AK9: variants seen among roughly 807,000 people sequenced by gnomAD.
AK9 encodes adenylate kinase 9, also known as adenylate kinase domain containing 1.
A neutral mutation model predicts 239.6 loss-of-function variants in AK9; 191 were observed. The ratio of observed to expected loss-of-function variants is 0.80; its 90% confidence interval spans 0.71 to 0.90. The LOEUF (loss-of-function observed/expected upper bound fraction) is 0.90. AK9 is among the 40% of genes least tolerant of loss of function. The pLI is 0.00. For synonymous variants in AK9, 689 were observed against 721.0 expected (o/e 0.96, Z 0.71); for missense variants, 1,995 against 2,214.7 (o/e 0.90, Z 1.99).
At chr6:109,534,840 G>A (rs534248143) in intron 27 of AK9, among the ~76,000 whole-genome samples, 118 of 152,014 alleles carry the variant, frequency 7.8e-4, no homozygotes, top group Non-Finnish European at 1.1e-3. Flanking sequence ...CCACCTATGA[G>A]TGAGAATATG....
At chr6:109,577,896 C>T (rs1304618664) in intron 20 of AK9, among the ~76,000 whole-genome samples, 1 of 82,084 alleles carries the variant, frequency 1.2e-5, no homozygotes, top group African/African-American at 4.9e-5. Flanking sequence ...CCTTCTCTCT[C>T]TCTTTCTCTC....
chr6:109,581,829 C>T (rs927342912), intron 19 of AK9, among the ~76,000 whole-genome samples: 2 of 152,184 alleles, frequency 1.3e-5, no homozygotes, highest in Non-Finnish European at 2.9e-5. Flanking sequence ...CCATCTAGGA[C>T]TTTCAGAGTT....
At chr6:109,635,820 C>G (rs1230836185) in intron 10 of AK9, among the ~76,000 whole-genome samples, 1 of 152,168 alleles carries the variant, frequency 6.6e-6, no homozygotes, top group Non-Finnish European at 1.5e-5. Flanking sequence ...GACCCTTGTT[C>G]TACAATTATT....
chr6:109,641,462 C>A, intron 10 of AK9, 56 bp downstream of exon 10: 1 of 1,428,344 alleles, frequency 7.0e-7, no homozygotes, highest in Non-Finnish European at 9.7e-7. Context: ...AGCCACTGCA[C>A]CCTGCCCACA....
intron 38 of AK9, 140 bp downstream of exon 38, chr6:109,497,325 T>TTC (rs1777139338): frequency 1.4e-5 from 8 of 562,954 alleles, no homozygotes; most frequent in Admixed American, 7.3e-5. Flanking sequence ...CCAGTGCTTG[T>TTC]TCACACACAC....
At chr6:109,585,031 A>G in intron 19 of AK9, 92 bp downstream of exon 19, 1 of 802,486 alleles carries the variant, frequency 1.2e-6, no homozygotes, top group East Asian at 1.1e-4. Flanking sequence ...TCATTTCAAT[A>G]TTAAATATAT....
At chr6:109,516,353 T>A in intron 30 of AK9, 77 bp downstream of exon 30, 1 of 1,236,648 alleles carries the variant, frequency 8.1e-7, no homozygotes, top group Non-Finnish European at 1.1e-6. Flanking sequence ...TTTAAAGAAA[T>A]GGCATGAACT....
intron 1 of AK9, among the ~76,000 whole-genome samples, chr6:109,677,181 A>C (rs1438102091): frequency 1.3e-5 from 2 of 152,112 alleles, no homozygotes; most frequent in African/African-American, 4.8e-5. Context: ...CTGTGCACCA[A>C]ACTCCTATGA....
rs559549739 is a variant in AK9, at chr6:109,524,956, T to C, written c.3633+4055A>G. On this transcript the variant is annotated intron_variant, in intron 29 of 40. Transcript: ENST00000424296. ...TACTAAAAAACGAAGCATAGAGTTATACTTAAAAAGGCAATAGATTTTCTT... is the reference window on the plus strand; with the variant it reads ...TACTAAAAAACGAAGCATAGAGTTACACTTAAAAAGGCAATAGATTTTCTT... Among the ~76,000 whole-genome samples, 16 of 152,308 alleles carry C rather than the reference T, an allele frequency of 1.1e-4. 1 individual carries two copies. In the South Asian group the frequency reaches 3.1e-3, roughly 30 times the overall value.
At chr6:109,592,620 G>C (rs956863967) in intron 17 of AK9, among the ~76,000 whole-genome samples, 2 of 151,762 alleles carry the variant, frequency 1.3e-5, no homozygotes, top group African/African-American at 4.8e-5. Context: ...CTAATTTTTT[G>C]TATTTTTAGT....
chr6:109,660,302 CAT>C lies in AK9; in HGVS notation c.445-891_445-890del, dbSNP rs1201492195. ...TGGTTTTCTGAGGCAGTGATTCTGA[CAT>C]ATGAGCATGTAACTCTATCTGAGGA... is the stretch of plus-strand genomic sequence containing the variant. On this transcript the variant is annotated intron_variant, in intron 6 of 40. Transcript: ENST00000424296. 2.6e-5 allele frequency among the ~76,000 whole-genome samples: 4 copies of C among 152,244 alleles called. No individual in the cohort carries two copies. In the East Asian group the frequency reaches 7.7e-4, roughly 29 times the overall value.
chr6:109,550,296 C>T lies in AK9; in HGVS notation c.2758G>A (p.Asp920Asn). The T allele has an allele frequency of 1.2e-6, 2 of 1,608,940 alleles. No homozygotes were observed. Among genetic ancestry groups the T allele is most frequent in the Non-Finnish European group, 1.7e-6 (2 of 1,179,740 alleles). Residue 920 changes from aspartate to asparagine, a missense_variant, in exon 25 of 41, where the codon GAT becomes AAT. By Grantham distance (23) the Asp-to-Asn change is conservative (BLOSUM62 1). This residue lies in a region of AK9 where 1,290 missense variants were observed against 1,392.7 expected (regional missense o/e 0.93). Transcript: ENST00000424296. ...LEEEEEEEGE[D>N]KMKERKRHLG... ...TGCCTCTTTCTCTCCTTCATTTTATCTTCACCCTAGAAACGGTATTCAAAG... is the reference window on the plus strand; with the variant it reads ...TGCCTCTTTCTCTCCTTCATTTTATTTTCACCCTAGAAACGGTATTCAAAG...
intron 32 of AK9, among the ~76,000 whole-genome samples, chr6:109,511,060 G>A (rs12196600): frequency 8.1e-6 from 1 of 123,180 alleles, no homozygotes; most frequent in Non-Finnish European, 1.8e-5. Flanking sequence ...AAATCTGCTT[G>A]TTTTTTTTTT....
At chr6:109,519,854 T>G (rs1489902855) in intron 29 of AK9, among the ~76,000 whole-genome samples, 1 of 147,308 alleles carries the variant, frequency 6.8e-6, no homozygotes, top group East Asian at 2.0e-4. Flanking sequence ...CTCTGATGAT[T>G]AGTGACACTG....
chr6:109,601,544 T>C (rs373134355), intron 17 of AK9, among the ~76,000 whole-genome samples: 1 of 152,118 alleles, frequency 6.6e-6, no homozygotes, highest in African/African-American at 2.4e-5. Context: ...GCTGAGAAGA[T>C]TGTATATTCT....
In AK9 at chr6:109,632,155, T is replaced by C. The variant is rs1165077041; in HGVS notation, c.1254+768A>G. 6.1e-6 allele frequency: 6 copies of C among 985,216 alleles called. No individual in the cohort carries two copies. In the Admixed American group the frequency reaches 3.7e-4, roughly 61 times the overall value. 61.0% of individuals were successfully genotyped at this position (985,216 alleles called of 1,614,324 possible). On this transcript the variant is annotated intron_variant, in intron 12 of 40. Coordinates refer to ENST00000424296, the MANE Select transcript of AK9 (RefSeq NM_001145128.3). Reference sequence around the variant, plus strand: ...ACTCAGTGGGCTTCACTTTTCTGTATGTTTGTCATGTTTCACAATGAAAAA... The same window carrying C: ...ACTCAGTGGGCTTCACTTTTCTGTACGTTTGTCATGTTTCACAATGAAAAA...
intron 17 of AK9, among the ~76,000 whole-genome samples, chr6:109,590,523 T>C (rs1393401817): frequency 6.6e-6 from 1 of 152,188 alleles, no homozygotes; most frequent in Non-Finnish European, 1.5e-5. Context: ...ATTAATTCTT[T>C]GTAATGTTTT....
chr6:109,544,090 G>T (rs1156469175), intron 26 of AK9, among the ~76,000 whole-genome samples: 3 of 152,060 alleles, frequency 2.0e-5, no homozygotes, highest in African/African-American at 7.2e-5. Context: ...CTGCACTCTG[G>T]CCTGGGCAAG....
chr6:109,504,802 C>T (rs1777950797), intron 35 of AK9, among the ~76,000 whole-genome samples: 1 of 152,120 alleles, frequency 6.6e-6, no homozygotes, highest in Non-Finnish European at 1.5e-5. Flanking sequence ...GAGTGAGACT[C>T]CTTCAAGAAA....
Sources: gnomAD v4.1 joint callset for allele counts (sites outside exome capture counted in the v4.1 genomes callset) on GRCh38, gnomAD v4.1.1 for gene constraint, gnomAD v4.1.1 regional missense constraint, MANE v1.5 for transcripts, NCBI Gene and HGNC (gene_info 2026-07-23, HGNC 2026-07-21) for gene names.